GTF2E2: variants seen among roughly 807,000 people sequenced by gnomAD.
GTF2E2 encodes the protein transcription initiation factor IIE subunit beta.
In GTF2E2, 21 loss-of-function variants were observed where a neutral mutation model predicts 40.5. That is an observed-to-expected ratio of 0.52 (90% CI 0.37 to 0.75). The LOEUF (loss-of-function observed/expected upper bound fraction) is 0.75, where lower values mean the gene tolerates loss of function less well. Among genes scored for constraint, GTF2E2 ranks in the 30% least tolerant of loss-of-function variants. The probability of loss-of-function intolerance (pLI) is 0.00; values close to 1 mark genes in which losing one functional copy is unlikely to be tolerated. For synonymous variants in GTF2E2, 117 were observed against 121.6 expected, an observed-to-expected ratio of 0.96 and a Z score of 0.25; for missense variants, 298 against 338.4, an observed-to-expected ratio of 0.88 and a Z score of 0.94.
intron 4 of GTF2E2, 83 bp downstream of exon 4, chr8:30,614,525 G>GC (rs1800855608): frequency 1.3e-6 from 1 of 759,948 alleles, no homozygotes; most frequent in African/African-American, 1.7e-5. Context: ...TCTAGCCTGT[G>GC]CAACAGAGCA....
At chr8:30,644,164 C>T (rs1239259859) in intron 2 of GTF2E2, among the ~76,000 whole-genome samples, 3 of 152,160 alleles carry the variant, frequency 2.0e-5, no homozygotes, top group Non-Finnish European at 4.4e-5. Flanking sequence ...TCCATACTGA[C>T]AAATCTTTGA....
chr8:30,580,514 C>T (rs907054129), intron 6 of GTF2E2, 118 bp from the exon 7 acceptor site: 8 of 652,920 alleles, frequency 1.2e-5, no homozygotes, highest in Admixed American at 2.4e-5. Flanking sequence ...TCTGATATGT[C>T]ATCATGAAAC....
intron 6 of GTF2E2, among the ~76,000 whole-genome samples, chr8:30,597,942 G>A (rs1402088493): frequency 2.0e-5 from 3 of 152,146 alleles, no homozygotes; most frequent in African/African-American, 4.8e-5. Flanking sequence ...TAAAATGTAG[G>A]CAATAGCCAG....
chr8:30,587,127 T>C (rs1448082806), intron 6 of GTF2E2, among the ~76,000 whole-genome samples: 2 of 152,172 alleles, frequency 1.3e-5, no homozygotes, highest in African/African-American at 2.4e-5. Context: ...ATACAAAATA[T>C]AGGGCAGGTG....
chr8:30,635,726 C>T (rs891398820), intron 2 of GTF2E2, among the ~76,000 whole-genome samples: 6 of 152,020 alleles, frequency 3.9e-5, no homozygotes, highest in Admixed American at 6.6e-5. Context: ...TGATTAGACT[C>T]GCTCCATAAT....
intron 6 of GTF2E2, among the ~76,000 whole-genome samples, chr8:30,602,650 A>G (rs1343036160): frequency 6.6e-6 from 1 of 150,806 alleles, no homozygotes; most frequent in Non-Finnish European, 1.5e-5. Flanking sequence ...GCTACTCGGG[A>G]GGCTGAGGCA....
chr8:30,620,708 T>C (rs2151135185), intron 3 of GTF2E2, among the ~76,000 whole-genome samples: 1 of 49,078 alleles, frequency 2.0e-5, no homozygotes, highest in South Asian at 5.8e-4. Flanking sequence ...GTGAATCACC[T>C]GAGTTCAGTA....
At chr8:30,581,690 G>C (rs771287257) in intron 6 of GTF2E2, among the ~76,000 whole-genome samples, 26 of 152,082 alleles carry the variant, frequency 1.7e-4, no homozygotes, top group Non-Finnish European at 3.2e-4. Context: ...CCCACTGAAC[G>C]TTCATCTGCA....
intron 3 of GTF2E2, among the ~76,000 whole-genome samples, chr8:30,624,553 T>C (rs1159661539): frequency 6.6e-6 from 1 of 152,084 alleles, no homozygotes; most frequent in Non-Finnish European, 1.5e-5. Flanking sequence ...GTGAAGAAAG[T>C]CATTGGTAGC....
intron 2 of GTF2E2, among the ~76,000 whole-genome samples, chr8:30,641,386 A>AGGG (rs1801822176): frequency 6.6e-6 from 1 of 152,108 alleles, no homozygotes; most frequent in Non-Finnish European, 1.5e-5. Flanking sequence ...TTTTTGAGAC[A>AGGG]GGGTCTCACT....
At chr8:30,636,905 G>T in intron 2 of GTF2E2, 1 of 408,302 alleles carries the variant, frequency 2.4e-6, no homozygotes, top group South Asian at 1.8e-5. Flanking sequence ...TCCATTCACT[G>T]TTTCAATTAT....
At chr8:30,583,176 A>C (rs566415719) in intron 6 of GTF2E2, among the ~76,000 whole-genome samples, 1 of 152,264 alleles carries the variant, frequency 6.6e-6, no homozygotes, top group East Asian at 1.9e-4. Flanking sequence ...TCTACTAAAA[A>C]TACAAAAATT....
intron 6 of GTF2E2, among the ~76,000 whole-genome samples, chr8:30,587,871 T>TAA (rs58179732): frequency 0.087 from 9,073 of 104,468 alleles, 464 homozygotes; most frequent in Non-Finnish European, 0.094. Context: ...GACTCCGTCT[T>TAA]AAAAAAAAAA....
chr8:30,625,612 GT>G (rs910591690), intron 3 of GTF2E2, among the ~76,000 whole-genome samples: 2 of 151,182 alleles, frequency 1.3e-5, no homozygotes, highest in Non-Finnish European at 2.9e-5. Flanking sequence ...ACTGTCTGTT[GT>G]TTTTTGTTTT....
At chr8:30,588,507 T>C (rs1828748060) in intron 6 of GTF2E2, among the ~76,000 whole-genome samples, 1 of 152,118 alleles carries the variant, frequency 6.6e-6, no homozygotes, top group Admixed American at 6.5e-5. Flanking sequence ...CTACGTGGAA[T>C]CTAAAACAAT....
intron 6 of GTF2E2, among the ~76,000 whole-genome samples, chr8:30,603,262 T>A (rs1033399344): frequency 6.6e-6 from 1 of 152,060 alleles, no homozygotes; most frequent in African/African-American, 2.4e-5. Flanking sequence ...CAACAGAGGA[T>A]AAGAGAATGA....
At chr8:30,652,080 C>T (rs1458224048) in intron 2 of GTF2E2, among the ~76,000 whole-genome samples, 1 of 152,070 alleles carries the variant, frequency 6.6e-6, no homozygotes, top group Non-Finnish European at 1.5e-5. Flanking sequence ...CTCAAATATA[C>T]TACAAACCTA....
intron 2 of GTF2E2, among the ~76,000 whole-genome samples, chr8:30,644,003 C>T (rs1393455628): frequency 6.6e-6 from 1 of 152,084 alleles, no homozygotes. Context: ...GAATGACAAC[C>T]GATAAATTAA....
intron 2 of GTF2E2, among the ~76,000 whole-genome samples, chr8:30,652,612 T>A (rs1006454892): frequency 2.0e-5 from 3 of 151,980 alleles, no homozygotes; most frequent in African/African-American, 7.3e-5. Context: ...CCCTGATACA[T>A]TGCTGGAGGA....
Sources: gnomAD v4.1 joint callset for allele counts (sites outside exome capture counted in the v4.1 genomes callset) on GRCh38, gnomAD v4.1.1 for gene constraint, MANE v1.5 for transcripts, NCBI Gene and HGNC (gene_info 2026-07-23, HGNC 2026-07-21) for gene names.